The following SCLT1 variants were observed in gnomAD, a reference collection of about 807,000 sequenced individuals.
The protein encoded by SCLT1 is sodium channel and clathrin linker 1.
Under a neutral mutation model 112.8 loss-of-function variants are expected in SCLT1, and 78 were observed. The ratio of observed to expected loss-of-function variants is 0.69; its 90% CI spans 0.58 to 0.83. SCLT1 has a LOEUF of 0.83. SCLT1 is among the 40% of genes least tolerant of loss of function. The pLI, the probability that SCLT1 is intolerant of heterozygous loss-of-function variation, is 0.00. For missense variants in SCLT1, 747 were observed against 770.4 expected (o/e 0.97, Z 0.36); for synonymous variants, 257 against 254.7 (o/e 1.01, Z -0.09).
At chr4:129,080,506 C>T (rs1751844864) in intron 2 of SCLT1, among the ~76,000 whole-genome samples, 1 of 152,206 alleles carries the variant, frequency 6.6e-6, no homozygotes, top group Non-Finnish European at 1.5e-5. Context: ...CTTTCTACAA[C>T]ATGGCAAGAG....
intron 18 of SCLT1, among the ~76,000 whole-genome samples, chr4:128,901,847 T>C (rs1242596988): frequency 6.6e-6 from 1 of 152,144 alleles, no homozygotes; most frequent in Non-Finnish European, 1.5e-5. Flanking sequence ...ATTTTACATA[T>C]ATGTATAGAT....
At chr4:129,036,951 CA>C (rs888992969) in intron 5 of SCLT1, 2 of 151,632 alleles carry the variant, frequency 1.3e-5, no homozygotes, top group African/African-American at 2.4e-5. Flanking sequence ...TAAAAGTCAA[CA>C]AAAAATGATG....
At position 128,959,599 on chromosome 4, in the gene SCLT1, CCTGA is replaced by C; in HGVS notation, c.1044_1047del (p.Ser348ArgfsTer13). 1.2e-6 allele frequency: 2 copies of C among 1,610,584 alleles called. No homozygotes were observed. Among genetic ancestry groups the C allele is most frequent in the Non-Finnish European group, 1.7e-6 (2 of 1,177,730 alleles). On this transcript the variant is annotated frameshift_variant and splice_region_variant, in exon 12 of 21. Coordinates refer to ENST00000281142, the MANE Select transcript of SCLT1 (RefSeq NM_144643.4). LOFTEE classifies it high-confidence loss of function. ...CTAAACATATTTACTAGCTTTCTTA[CCTGA>C]CTTTTTTGAAGGTTAGCTTCTTCTA... is the stretch of plus-strand genomic sequence containing the variant.
rs1257604551 is a variant in SCLT1 at position 129,073,356 on chromosome 4, CT to C, written c.102+8949del. Among the ~76,000 whole-genome samples, 3 of 152,126 alleles carry C rather than the reference CT, an allele frequency of 2.0e-5. No individual in the cohort carries two copies. The South Asian group carries it at 6.2e-4, about 31-fold the overall frequency. ...TTAACTTTCAATTGTTCAGAAGTTA[CT>C]TACAAAAGCTACTTGGGATGACTGA... is the stretch of plus-strand genomic sequence containing the variant. On this transcript the variant is annotated intron_variant, in intron 2 of 20. Coordinates refer to ENST00000281142, the MANE Select transcript of SCLT1 (RefSeq NM_144643.4).
chr4:129,056,189 T>A (rs865778810), intron 2 of SCLT1, among the ~76,000 whole-genome samples: 9 of 152,214 alleles, frequency 5.9e-5, no homozygotes, highest in African/African-American at 1.4e-4. Flanking sequence ...ACCTTCTGCA[T>A]TGGTCTCGCT....
At chr4:128,956,810 T>G (rs549076777) in intron 13 of SCLT1, among the ~76,000 whole-genome samples, 65 of 152,204 alleles carry the variant, frequency 4.3e-4, no homozygotes, top group African/African-American at 1.5e-3. Context: ...GGCTATACAG[T>G]ATATCCCACT....
intron 20 of SCLT1, among the ~76,000 whole-genome samples, chr4:128,885,541 T>C (rs561110345): frequency 4.0e-4 from 61 of 152,312 alleles, no homozygotes; most frequent in African/African-American, 1.5e-3. Flanking sequence ...CTGCAAACTG[T>C]TCCTCTGTGT....
chr4:129,026,524 C>T (rs1264642551), intron 5 of SCLT1, among the ~76,000 whole-genome samples: 1 of 151,948 alleles, frequency 6.6e-6, no homozygotes, highest in East Asian at 1.9e-4. Flanking sequence ...CACAACATAC[C>T]AGAATCTCTG....
intron 16 of SCLT1, chr4:128,944,843 T>C (rs1410778356): frequency 2.0e-5 from 3 of 152,166 alleles, no homozygotes; most frequent in African/African-American, 2.4e-5. Context: ...ATAAAAAGAA[T>C]GCATGGGAGC....
intron 18 of SCLT1, among the ~76,000 whole-genome samples, chr4:128,926,256 T>G (rs1736289820): frequency 3.3e-5 from 5 of 152,124 alleles, no homozygotes; most frequent in Admixed American, 3.3e-4. Flanking sequence ...TCTAGGCTAG[T>G]TTAGTTTTAA....
At chr4:129,003,962 A>G in intron 5 of SCLT1, 86 bp from the exon 6 acceptor site, 1 of 1,182,398 alleles carries the variant, frequency 8.5e-7, no homozygotes, top group Non-Finnish European at 1.2e-6. Context: ...CATTTGGGTC[A>G]ACAATAACTC....
At chr4:128,994,972 A>G (rs929144802) in intron 8 of SCLT1, among the ~76,000 whole-genome samples, 2 of 152,060 alleles carry the variant, frequency 1.3e-5, no homozygotes, top group African/African-American at 4.8e-5. Context: ...CCCATTCCAT[A>G]GGTTGCCTTT....
intron 18 of SCLT1, among the ~76,000 whole-genome samples, chr4:128,910,137 A>G (rs1734976224): frequency 6.6e-6 from 1 of 152,218 alleles, no homozygotes; most frequent in African/African-American, 2.4e-5. Flanking sequence ...TGTACCAGGA[A>G]CTGCAAAAGG....
At chr4:129,059,356 C>T (rs1190782667) in intron 2 of SCLT1, among the ~76,000 whole-genome samples, 1 of 152,078 alleles carries the variant, frequency 6.6e-6, no homozygotes, top group Non-Finnish European at 1.5e-5. Flanking sequence ...TATCCTTTTG[C>T]TCCTGTTTTT....
At chr4:129,046,079 A>G (rs1279972460) in intron 2 of SCLT1, among the ~76,000 whole-genome samples, 2 of 152,166 alleles carry the variant, frequency 1.3e-5, no homozygotes, top group Non-Finnish European at 2.9e-5. Context: ...TACAGAAGAC[A>G]GTACAAATTA....
chr4:129,047,047 CA>C (rs1335395920), intron 2 of SCLT1, among the ~76,000 whole-genome samples: 1 of 152,020 alleles, frequency 6.6e-6, no homozygotes, highest in Non-Finnish European at 1.5e-5. Context: ...TGCAAGATTA[CA>C]AATATATTCT....
At chr4:128,946,311 T>A (rs1490621394) in intron 15 of SCLT1, among the ~76,000 whole-genome samples, 159 bp from the exon 16 acceptor site, 1 of 152,216 alleles carries the variant, frequency 6.6e-6, no homozygotes, top group Non-Finnish European at 1.5e-5. Flanking sequence ...AATCTGGTTC[T>A]GTCACATTTA....
chr4:129,047,753 T>A (rs1201557494), intron 2 of SCLT1, among the ~76,000 whole-genome samples: 1 of 152,154 alleles, frequency 6.6e-6, no homozygotes, highest in African/African-American at 2.4e-5. Context: ...GTTTAGCATT[T>A]TTTCATATAC....
chr4:129,013,089 G>C (rs1413092859), intron 5 of SCLT1, among the ~76,000 whole-genome samples: 2 of 152,078 alleles, frequency 1.3e-5, no homozygotes, highest in East Asian at 3.9e-4. Flanking sequence ...TCATTACCCA[G>C]GTATTAAGCC....
Sources: gnomAD v4.1 joint callset for allele counts (sites outside exome capture counted in the v4.1 genomes callset) on GRCh38, gnomAD v4.1.1 for gene constraint, MANE v1.5 for transcripts, NCBI Gene and HGNC (gene_info 2026-07-23, HGNC 2026-07-21) for gene names.